The following TOMM40L variants were observed in gnomAD, a reference collection of about 807,000 sequenced individuals.
The protein encoded by TOMM40L is mitochondrial import receptor subunit TOM40B.
TOMM40L carries 17 observed loss-of-function variants against 38.3 expected under a neutral mutation model. The ratio of observed to expected loss-of-function variants is 0.44; its 90% CI spans 0.30 to 0.67. The LOEUF is 0.67. Ranked by LOEUF, TOMM40L falls within the 30% of genes least tolerant of loss-of-function variation. The pLI, the probability that TOMM40L is intolerant of heterozygous loss-of-function variation, is 0.08. For synonymous variants in TOMM40L, 151 were observed against 150.2 expected (o/e 1.01, Z -0.04); for missense variants, 294 against 390.0 (o/e 0.75, Z 2.07).
In TOMM40L at chr1:161,230,698, G is replaced by C; in HGVS notation, c.*1603G>C. ...GCCAGGGGGAAGGACTAGACCCCAC[G>C]ATACCTGAATTCCCTAAGGAAAGGA... On this transcript the variant is annotated 3_prime_UTR_variant, in exon 10 of 10. Transcript: ENST00000367988. 7.0e-7 allele frequency: 1 copy of C among 1,436,956 alleles called. No individual in the cohort carries two copies. The highest frequency in any genetic ancestry group is 9.6e-7 in the Non-Finnish European group (1 of 1,044,776). The allele number at this position is 1,436,956 out of a possible 1,614,324, so 89.0% of individuals were successfully genotyped here. A position where few individuals can be genotyped will look rare whatever the true frequency, so the allele number is the denominator to read the frequency against.
rs1203641336 is a variant in TOMM40L at position 161,228,261 on chromosome 1, G to A, written c.560G>A (p.Arg187Gln). ...GGAGGAGAGCTAGTTTATCACCGGC[G>A]GCCAGGCGAAGAGGGGGCCATCTTG... is the stretch of plus-strand genomic sequence containing the variant. ...VLGGELVYHR[R>Q]PGEEGAILTL... is the part of the protein sequence containing the mutation. The change falls in exon 7 of 10, where the codon CGG (arginine) becomes CAG (glutamine). Residue 187 changes from arginine to glutamine, a missense_variant. Physicochemically the swap from Arg to Gln is conservative, Grantham distance 43. Transcript: ENST00000367988. 4.4e-6 allele frequency: 7 copies of A among 1,607,322 alleles called. No individual in the cohort carries two copies. Among genetic ancestry groups the A allele is most frequent in the East Asian group, 2.2e-5 (1 of 44,778 alleles).
rs1020270588 is a variant in TOMM40L, at chr1:161,229,255, C to T, written c.*160C>T. 8.9e-6 allele frequency: 9 copies of T among 1,005,956 alleles called. No homozygotes were observed. The highest frequency in any genetic ancestry group is 2.6e-5 in the East Asian group (1 of 38,514). 62.3% of individuals were successfully genotyped at this position (1,005,956 alleles called of 1,614,324 possible). A position where few individuals can be genotyped will look rare whatever the true frequency, so the allele number is the denominator to read the frequency against. On this transcript the variant is annotated 3_prime_UTR_variant, in exon 10 of 10. Transcript: ENST00000367988. ...CATGCCCTCCTCAGAACTGGAGCTG[C>T]CACAGGGGCAGTTGATGAGGCAGAG...
At position 161,227,913 on chromosome 1, in the gene TOMM40L, GT is replaced by G; in HGVS notation, c.411del (p.Phe137LeufsTer14). The G allele has an allele frequency of 6.2e-7, 1 of 1,614,204 alleles. No homozygotes were observed. The highest frequency in any genetic ancestry group is 1.7e-5 in the Admixed American group (1 of 60,028). ...AGCAGGCCAAGTTCCTGACATGGCA[GT>G]TTGATGGCGAGTATCGGGGAGATGA... is the stretch of plus-strand genomic sequence containing the variant. ...TQQAKFLTWQFDGEYRGDDYT... is the reference protein window; with the variant it reads ...TQQAKFLTWQXDGEYRGDDYT... On this transcript the variant is annotated frameshift_variant, in exon 6 of 10. Coordinates refer to ENST00000367988, the MANE Select transcript of TOMM40L (RefSeq NM_032174.6). LOFTEE classifies it high-confidence loss of function.
At chr1:161,227,538 C>A in intron 4 of TOMM40L, 98 bp from the exon 5 acceptor site, 1 of 1,129,026 alleles carries the variant, frequency 8.9e-7, no homozygotes, top group Non-Finnish European at 1.3e-6. Context: ...GTGACTCCAC[C>A]AGGGGGCGCT....
At chr1:161,227,562 G>A in intron 4 of TOMM40L, 74 bp from the exon 5 acceptor site, 1 of 1,326,176 alleles carries the variant, frequency 7.5e-7, no homozygotes, top group South Asian at 1.2e-5. Context: ...CACTCTTAAT[G>A]AAGTTCTATA....
intron 9 of TOMM40L, 50 bp from the exon 10 acceptor site, chr1:161,228,906 T>G: frequency 3.1e-6 from 5 of 1,613,958 alleles, no homozygotes; most frequent in Non-Finnish European, 4.2e-6. Context: ...TGGTGACTAT[T>G]TCCTCCAATC....
Position 161,228,301 on chromosome 1 carries a change from G to A in TOMM40L, c.600G>A (p.Lys200=), listed in dbSNP as rs1166677887. 1.2e-6 allele frequency: 2 copies of A among 1,606,340 alleles called. No individual in the cohort carries two copies. Among genetic ancestry groups the A allele is most frequent in the South Asian group, 2.2e-5 (2 of 90,196 alleles). The part of the protein sequence containing the change: ...EEGAILTLAG[K]YSAVHWVATL... ...GGGCCATCTTGACACTGGCTGGGAA[G>A]TACTCGGGTATGGGGCGAAGTGAAG... The change falls in exon 7 of 10, where the codon AAG becomes AAA. Residue 200 remains lysine, a synonymous_variant. Coordinates refer to ENST00000367988, the MANE Select transcript of TOMM40L (RefSeq NM_032174.6).
rs1037250213 is a variant in TOMM40L at position 161,230,519 on chromosome 1, G to A, written c.*1424G>A. 21 of 544,902 alleles carry A rather than the reference G, an allele frequency of 3.9e-5. No homozygotes were observed. The highest frequency in any genetic ancestry group is 1.0e-4 in the South Asian group (4 of 38,730). 33.8% of individuals were successfully genotyped at this position (544,902 alleles called of 1,614,324 possible). ...GGAGAAGTTGGACTAGTGAGGTAAT[G>A]GATGTCATCAATCTCAGGAATGCTA... On this transcript the variant is annotated 3_prime_UTR_variant, in exon 10 of 10. Transcript: ENST00000367988.
Position 161,226,343 on chromosome 1 carries a change from T to A in TOMM40L, c.-135-12T>A. 1 of 672,188 alleles carries A rather than the reference T, an allele frequency of 1.5e-6. No individual in the cohort carries two copies. The highest frequency in any genetic ancestry group is 2.5e-6 in the Non-Finnish European group (1 of 397,318). The allele number at this position is 672,188 out of a possible 1,614,324, so 41.6% of individuals were successfully genotyped here. On this transcript the variant is annotated splice_polypyrimidine_tract_variant and intron_variant, in intron 1 of 9. Coordinates refer to ENST00000367988, the MANE Select transcript of TOMM40L (RefSeq NM_032174.6). Reference sequence around the variant, plus strand: ...CCATGAGTGCTCTCCTTCCCTACTCTTCCTGTTCCAGGTGTAGCGTCGGAC... The same window carrying A: ...CCATGAGTGCTCTCCTTCCCTACTCATCCTGTTCCAGGTGTAGCGTCGGAC...
chr1:161,229,716 C>A lies in TOMM40L; in HGVS notation c.*621C>A. 3.7e-6 allele frequency: 6 copies of A among 1,614,210 alleles called. No individual in the cohort carries two copies. Among genetic ancestry groups the A allele is most frequent in the Non-Finnish European group, 5.1e-6 (6 of 1,180,038 alleles). On this transcript the variant is annotated 3_prime_UTR_variant, in exon 10 of 10. Transcript: ENST00000367988. ...CCACTGGGCTCCCTTTGAACCCGGC[C>A]CAATCTTTGGTCCCAGCATTTTCCC...
chr1:161,229,400 C>T lies in TOMM40L; in HGVS notation c.*305C>T. The T allele has an allele frequency of 3.2e-6, 2 of 616,302 alleles. No homozygotes were observed. The highest frequency in any genetic ancestry group is 5.6e-6 in the Non-Finnish European group (2 of 355,726). The allele number at this position is 616,302 out of a possible 1,614,324, so 38.2% of individuals were successfully genotyped here. A position where few individuals can be genotyped will look rare whatever the true frequency, so the allele number is the denominator to read the frequency against. On this transcript the variant is annotated 3_prime_UTR_variant, in exon 10 of 10. Transcript: ENST00000367988. Reference sequence around the variant, plus strand: ...GAATTCCCCCGGCACCCCTTGCCCTCAGGCTTCCTTCTTCCTTTCCCTTTG... The same window carrying T: ...GAATTCCCCCGGCACCCCTTGCCCTTAGGCTTCCTTCTTCCTTTCCCTTTG...
rs1558101795 is a variant in TOMM40L at position 161,229,825 on chromosome 1, A to T, written c.*730A>T. On this transcript the variant is annotated 3_prime_UTR_variant, in exon 10 of 10. Transcript: ENST00000367988. ...GCTGCAGATCTCCTGGAGCAGCGGCATCATGGCAGACAGGCCCTGGATGTG... is the reference window on the plus strand; with the variant it reads ...GCTGCAGATCTCCTGGAGCAGCGGCTTCATGGCAGACAGGCCCTGGATGTG... 1.2e-6 allele frequency: 2 copies of T among 1,614,104 alleles called. No individual in the cohort carries two copies. Among genetic ancestry groups the T allele is most frequent in the Non-Finnish European group, 1.7e-6 (2 of 1,180,048 alleles).
chr1:161,229,801 C>G lies in TOMM40L; in HGVS notation c.*706C>G, dbSNP rs771557332. 7 of 1,614,218 alleles carry G rather than the reference C, an allele frequency of 4.3e-6. No individual in the cohort carries two copies. On this transcript the variant is annotated 3_prime_UTR_variant, in exon 10 of 10. Coordinates refer to ENST00000367988, the MANE Select transcript of TOMM40L (RefSeq NM_032174.6). ...GGGAAGGAAGTGAGCATGGCCTCAG[C>G]TGCAGATCTCCTGGAGCAGCGGCAT...
At chr1:161,226,633 G>C (rs769213906) in intron 2 of TOMM40L, 29 bp downstream of exon 2, 1 of 1,602,960 alleles carries the variant, frequency 6.2e-7, no homozygotes, top group South Asian at 1.1e-5. Flanking sequence ...GGTGTCTCAG[G>C]ATGAAGGGGC....
rs35103872 is a variant in TOMM40L at position 161,229,991 on chromosome 1, C to T, written c.*896C>T. ...GAAATAAGGCAGTTGGGAGTCTTGT[C>T]TCTAGGCCCTGATCCCCTGAACTAT... On this transcript the variant is annotated 3_prime_UTR_variant, in exon 10 of 10. Coordinates refer to ENST00000367988, the MANE Select transcript of TOMM40L (RefSeq NM_032174.6). 5,424 of 1,582,716 alleles carry T rather than the reference C, an allele frequency of 3.4e-3. 157 individuals are homozygous for T. In the African/African-American group the frequency reaches 0.061, roughly 18 times the overall value.
chr1:161,227,731 C>G lies in TOMM40L; in HGVS notation c.372C>G (p.Val124=). The stretch of plus-strand genomic sequence containing the variant: ...CAGAGCGGCTCCGAGCTAAGGCTGT[C>G]TTCCAGGTGACCACAGTTCCTGCCT... The part of the protein sequence containing the change: ...LLAERLRAKA[V]FQTQQAKFLT... Residue 124 remains valine, a synonymous_variant, in exon 5 of 10, where the codon GTC becomes GTG. Transcript: ENST00000367988. 6.2e-7 allele frequency: 1 copy of G among 1,613,218 alleles called. No individual in the cohort carries two copies. The highest frequency in any genetic ancestry group is 8.5e-7 in the Non-Finnish European group (1 of 1,179,986).
Position 161,228,448 on chromosome 1 carries a change from T to A in TOMM40L, c.628T>A (p.Leu210Met), listed in dbSNP as rs755639135. Residue 210 changes from leucine to methionine, a missense_variant, in exon 8 of 10, where the codon TTG becomes ATG. Physicochemically the swap from Leu to Met is conservative, Grantham distance 15. Transcript: ENST00000367988. ...KYSAVHWVAT[L>M]NVGSGGAHAS... is the part of the protein sequence containing the mutation. ...TACAGCTGTACACTGGGTAGCTACA[T>A]TGAATGTGGGATCAGGCGGGGCCCA... is the stretch of plus-strand genomic sequence containing the variant. 5 of 1,614,028 alleles carry A rather than the reference T, an allele frequency of 3.1e-6. No homozygotes were observed. In the South Asian group the frequency reaches 5.5e-5, roughly 18 times the overall value.
rs1666636145 is a variant in TOMM40L at position 161,229,612 on chromosome 1, C to G, written c.*517C>G. Reference sequence around the variant, plus strand: ...TCCCATCTTCTGTGCTTCCAGAGAACAACTTTGTTCCTATGGTCACCCCCA... The same window carrying G: ...TCCCATCTTCTGTGCTTCCAGAGAAGAACTTTGTTCCTATGGTCACCCCCA... On this transcript the variant is annotated 3_prime_UTR_variant, in exon 10 of 10. Coordinates refer to ENST00000367988, the MANE Select transcript of TOMM40L (RefSeq NM_032174.6). 8 of 1,602,082 alleles carry G rather than the reference C, an allele frequency of 5.0e-6. No homozygotes were observed. In the Admixed American group the frequency reaches 5.1e-5, roughly 10 times the overall value.
chr1:161,229,715 C>A lies in TOMM40L; in HGVS notation c.*620C>A. On this transcript the variant is annotated 3_prime_UTR_variant, in exon 10 of 10. Transcript: ENST00000367988. ...ACCACTGGGCTCCCTTTGAACCCGG[C>A]CCAATCTTTGGTCCCAGCATTTTCC... 1 of 1,614,228 alleles carries A rather than the reference C, an allele frequency of 6.2e-7. No homozygotes were observed.
Sources: allele counts gnomAD v4.1 joint callset, GRCh38; gene constraint gnomAD v4.1.1; transcripts MANE v1.5; gene names NCBI Gene and HGNC (gene_info 2026-07-23, HGNC 2026-07-21).